The following DUSP16 variants were observed in gnomAD, a reference collection of about 807,000 sequenced individuals.
DUSP16 encodes the protein dual specificity phosphatase 16.
In DUSP16, 21 loss-of-function variants were observed where a neutral mutation model predicts 58.3. The observed-to-expected ratio is 0.36, with a 90% confidence interval of 0.26 to 0.52. The LOEUF (loss-of-function observed/expected upper bound fraction) is 0.52. Among genes scored for constraint, DUSP16 ranks in the 20% least tolerant of loss-of-function variants. The pLI, the probability that DUSP16 is intolerant of heterozygous loss-of-function variation, is 0.94. For synonymous variants in DUSP16, 320 were observed against 323.8 expected (o/e 0.99, Z 0.12); for missense variants, 726 against 819.0 (o/e 0.89, Z 1.39).
chr12:12,529,882 T>C (rs1453158828), intron 1 of DUSP16, among the ~76,000 whole-genome samples: 1 of 152,248 alleles, frequency 6.6e-6, no homozygotes, highest in African/African-American at 2.4e-5. Flanking sequence ...TTTTTAAGGC[T>C]GAATAGAATT....
At chr12:12,552,784 T>C (rs1944749395) in intron 1 of DUSP16, among the ~76,000 whole-genome samples, 1 of 152,300 alleles carries the variant, frequency 6.6e-6, no homozygotes, top group Non-Finnish European at 1.5e-5. Flanking sequence ...CTCTTTGTTT[T>C]TTCTTCTTTT....
At chr12:12,500,907 T>G (rs1943899124) in intron 3 of DUSP16, among the ~76,000 whole-genome samples, 1 of 152,152 alleles carries the variant, frequency 6.6e-6, no homozygotes, top group African/African-American at 2.4e-5. Flanking sequence ...GCACTTATAA[T>G]GAATGACTCC....
Position 12,477,432 on chromosome 12 carries a change from T to C in DUSP16, c.1399A>G (p.Ile467Val). ...CTGGCGGTCTGCAGCTTCTTGGGGA[T>C]GCTGGCTTCCTCCTTATCAGGACTG... ...ETSPDKEEASIPKKLQTARPS... is the reference protein window; with the variant it reads ...ETSPDKEEASVPKKLQTARPS... The change falls in exon 7 of 7, where the codon ATC (isoleucine) becomes GTC (valine). Residue 467 changes from isoleucine to valine, a missense_variant. Transcript: ENST00000298573. The surrounding 1 kb of genome is among the most constrained non-coding windows in gnomAD (Gnocchi z 4.1). 1.2e-6 allele frequency: 2 copies of C among 1,607,046 alleles called. No individual in the cohort carries two copies. Among genetic ancestry groups the C allele is most frequent in the Non-Finnish European group, 1.7e-6 (2 of 1,176,210 alleles).
chr12:12,492,368 A>G (rs1045063011), intron 4 of DUSP16, among the ~76,000 whole-genome samples: 1 of 151,994 alleles, frequency 6.6e-6, no homozygotes, highest in Non-Finnish European at 1.5e-5. Flanking sequence ...CCATCACCAC[A>G]TTTACCCATC....
chr12:12,490,004 C>G (rs185999014), intron 4 of DUSP16, among the ~76,000 whole-genome samples: 1 of 152,182 alleles, frequency 6.6e-6, no homozygotes, highest in Non-Finnish European at 1.5e-5. Flanking sequence ...TTATTGACCT[C>G]CTGGGGTCAA....
chr12:12,488,814 C>T (rs1468688355), intron 4 of DUSP16, among the ~76,000 whole-genome samples: 1 of 152,188 alleles, frequency 6.6e-6, no homozygotes, highest in Non-Finnish European at 1.5e-5. Context: ...CGCAGTGACT[C>T]ATGCCTGTAA....
intron 1 of DUSP16, among the ~76,000 whole-genome samples, chr12:12,551,537 T>C (rs879291835): frequency 6.6e-6 from 1 of 151,250 alleles, no homozygotes; most frequent in Non-Finnish European, 1.5e-5. Context: ...ACTGGTATTT[T>C]GGAAAACTTG....
intron 5 of DUSP16, among the ~76,000 whole-genome samples, chr12:12,486,633 T>C (rs1437265607): frequency 6.6e-6 from 1 of 152,154 alleles, no homozygotes; most frequent in African/African-American, 2.4e-5. Flanking sequence ...ATTTGACTTT[T>C]CTCTGTAAAA....
intron 3 of DUSP16, among the ~76,000 whole-genome samples, chr12:12,507,025 G>A (rs1015504087): frequency 6.6e-6 from 1 of 151,956 alleles, no homozygotes; most frequent in African/African-American, 2.4e-5. Context: ...AAAAGCAAAC[G>A]TGAACCACCA....
At chr12:12,504,784 G>C (rs1252817470) in intron 3 of DUSP16, among the ~76,000 whole-genome samples, 5 of 151,956 alleles carry the variant, frequency 3.3e-5, no homozygotes, top group Non-Finnish European at 5.9e-5. Context: ...GGCTGAGGTG[G>C]GAGGACTGTT....
intron 1 of DUSP16, among the ~76,000 whole-genome samples, chr12:12,542,334 T>C (rs1441579846): frequency 2.8e-5 from 4 of 144,838 alleles, no homozygotes; most frequent in Middle Eastern, 3.6e-3. Flanking sequence ...GATCACGCCA[T>C]TGCACTCCAG....
chr12:12,547,843 C>T (rs1566052540), intron 1 of DUSP16, among the ~76,000 whole-genome samples: 1 of 152,106 alleles, frequency 6.6e-6, no homozygotes, highest in Non-Finnish European at 1.5e-5. Context: ...ATCTTAGACA[C>T]AAGAGGTTAG....
chr12:12,491,072 G>A (rs957578591), intron 4 of DUSP16, among the ~76,000 whole-genome samples: 21 of 152,064 alleles, frequency 1.4e-4, no homozygotes, highest in Non-Finnish European at 2.8e-4. Context: ...CAAAGATGTG[G>A]GGAAAAGATG....
rs373837994 is a variant in DUSP16 at position 12,519,919 on chromosome 12, G to T, written c.310C>A (p.Leu104Ile). 6.2e-7 allele frequency: 1 copy of T among 1,614,100 alleles called. No homozygotes were observed. The change falls in exon 3 of 7, where the codon CTC becomes ATC. Residue 104 changes from leucine (L) to isoleucine (I), a missense_variant. Leu to Ile is a conservative substitution (Grantham distance 5). Transcript: ENST00000298573. ...DVASLSSDCF[L>I]TVLLGKLEKS... ...TCCAGTTTACCCAGAAGTACAGTGAGAAAACAGTCTGAAGAGAGAGAGGCA... is the reference window on the plus strand; with the variant it reads ...TCCAGTTTACCCAGAAGTACAGTGATAAAACAGTCTGAAGAGAGAGAGGCA...
chr12:12,509,584 G>A (rs2136221767), intron 3 of DUSP16, among the ~76,000 whole-genome samples: 1 of 152,150 alleles, frequency 6.6e-6, no homozygotes, highest in East Asian at 1.9e-4. Context: ...ACCTACCACT[G>A]ACCTAGTAAC....
At chr12:12,543,764 A>T (rs1420029607) in intron 1 of DUSP16, among the ~76,000 whole-genome samples, 1 of 152,192 alleles carries the variant, frequency 6.6e-6, no homozygotes. Flanking sequence ...CCCTAGAAAC[A>T]AAACCAATAA....
chr12:12,539,079 C>T (rs1944511468), intron 1 of DUSP16, among the ~76,000 whole-genome samples: 4 of 152,106 alleles, frequency 2.6e-5, no homozygotes, highest in Admixed American at 2.6e-4. Flanking sequence ...GTATTTTTCA[C>T]ACGAACAAGC....
At chr12:12,514,852 T>A (rs1423883479) in intron 3 of DUSP16, among the ~76,000 whole-genome samples, 2 of 151,982 alleles carry the variant, frequency 1.3e-5, no homozygotes, top group African/African-American at 2.4e-5. Flanking sequence ...ACAGACGAGG[T>A]CTCTCTCTGT....
chr12:12,506,169 G>A (rs1943994054), intron 3 of DUSP16: 1 of 152,066 alleles, frequency 6.6e-6, no homozygotes, highest in South Asian at 2.1e-4. Flanking sequence ...GATTTCCCTT[G>A]GACCTCTAAA....
Sources: allele counts gnomAD v4.1 joint callset (sites outside exome capture counted in the v4.1 genomes callset), GRCh38; gene constraint gnomAD v4.1.1; non-coding constraint Gnocchi (gnomAD v3.1); transcripts MANE v1.5; gene names NCBI Gene and HGNC (gene_info 2026-07-23, HGNC 2026-07-21).